Variants in OXNAD1 observed in about 807,000 individuals in gnomAD.
The protein encoded by OXNAD1 is oxidoreductase NAD-binding domain-containing protein 1.
OXNAD1 carries 34 observed loss-of-function variants against 32.9 expected under a neutral mutation model. That is an observed-to-expected ratio of 1.03 (90% CI 0.79 to 1.38). The LOEUF (loss-of-function observed/expected upper bound fraction) is 1.38. Ranked by LOEUF, OXNAD1 falls within the 40% of genes most tolerant of loss-of-function variation. OXNAD1 has a pLI of 0.00. For missense variants in OXNAD1, 407 were observed against 379.4 expected (o/e 1.07, Z -0.60); for synonymous variants, 134 against 135.2 (o/e 0.99, Z 0.06).
rs1216252083 is a variant in OXNAD1, at chr3:16,327,819, C to T, written c.*31-9293C>T. On this transcript the variant is annotated intron_variant, in intron 9 of 9. Coordinates refer to the OXNAD1 transcript ENST00000435829. The surrounding 1 kb of genome is among the most constrained non-coding windows in gnomAD (Gnocchi z 4.2). ...CCCCTGCTAGCACAGGGAGAGAGCC[C>T]TGATGTGAGGCCCCTGCACTGGCTT... is the stretch of plus-strand genomic sequence containing the variant. Among the ~76,000 whole-genome samples, 1 of 152,066 alleles carries T rather than the reference C, an allele frequency of 6.6e-6. No homozygotes were observed. Among genetic ancestry groups the T allele is most frequent in the African/African-American group, 2.4e-5 (1 of 41,404 alleles).
At chr3:16,272,494 G>T (rs900103964) in intron 4 of OXNAD1, among the ~76,000 whole-genome samples, 10 of 152,090 alleles carry the variant, frequency 6.6e-5, no homozygotes, top group African/African-American at 2.4e-4. Flanking sequence ...AACATGGGCA[G>T]AAATTATATT....
chr3:16,345,819 C>T lies in OXNAD1; in HGVS notation c.*31-3357C>T, dbSNP rs59320074. On this transcript the variant is annotated intron_variant, in intron 9 of 9. Transcript: ENST00000606098. This position sits in a 1 kb window ranked among gnomAD's most constrained non-coding sequence, Gnocchi z 5.2. ...GTGTGTGTGTGTGTGTGTGTGTGTG[C>T]GCGCGCGCGTGCGCGCACGCGCACA... Among the ~76,000 whole-genome samples, 34,360 of 82,240 alleles carry T rather than the reference C, an allele frequency of 0.42. 4,442 individuals carry two copies. The highest frequency in any genetic ancestry group is 0.53 in the Middle Eastern group (83 of 158). 54.0% of individuals were successfully genotyped at this position (82,240 alleles called of 152,430 possible).
rs371575268 is a variant in OXNAD1 at position 16,302,410 on chromosome 3, C to T, written c.676-230C>T. Among the ~76,000 whole-genome samples the T allele has an allele frequency of 1.3e-5, 2 of 152,100 alleles. No homozygotes were observed. The highest frequency in any genetic ancestry group is 6.5e-5 in the Admixed American group (1 of 15,274). On this transcript the variant is annotated intron_variant, in intron 7 of 8. Transcript: ENST00000285083. The surrounding 1 kb of genome is among the most constrained non-coding windows in gnomAD (Gnocchi z 4.2). ...AGAAAAAGGAAAAAGAAAAAACTCC[C>T]GGAGAGTTGGTAATATGCTTGTTAG... is the stretch of plus-strand genomic sequence containing the variant.
intron 9 of OXNAD1, chr3:16,323,410 C>T: frequency 1.9e-6 from 3 of 1,612,352 alleles, no homozygotes; most frequent in Non-Finnish European, 2.5e-6. Context: ...CTGAGGTAGA[C>T]AAGGTCTCTG....
chr3:16,282,371 A>G (rs2065807116), intron 4 of OXNAD1, among the ~76,000 whole-genome samples: 1 of 150,878 alleles, frequency 6.6e-6, no homozygotes, highest in South Asian at 2.1e-4. Context: ...CCAGCTTAAA[A>G]AAAAAAAAAA....
At position 16,303,408 on chromosome 3, in the gene OXNAD1, A is replaced by G. The variant is rs1371996555; in HGVS notation, c.785A>G (p.Glu262Gly). ...TGGTGTTTATTCTGGTTTTTGGTAGAAGGAAGAATAACGGAGAAGGAGATA... is the reference window on the plus strand; with the variant it reads ...TGGTGTTTATTCTGGTTTTTGGTAGGAGGAAGAATAACGGAGAAGGAGATA... ...INAELKPYIT[E>G]GRITEKEIRD... Residue 262 changes from glutamate (E) to glycine (G), a missense_variant and splice_region_variant, in exon 9 of 9, where the codon GAA becomes GGA. Glu to Gly is a moderately conservative substitution (Grantham distance 98). Coordinates refer to ENST00000285083, the MANE Select transcript of OXNAD1 (RefSeq NM_138381.5). The surrounding 1 kb of genome is among the most constrained non-coding windows in gnomAD (Gnocchi z 4.8). 5.6e-6 allele frequency: 9 copies of G among 1,613,054 alleles called. No homozygotes were observed. The highest frequency in any genetic ancestry group is 1.3e-5 in the African/African-American group (1 of 74,824).
rs1184376303 is a variant in OXNAD1, at chr3:16,280,953, A to T, written c.184-5389A>T. The stretch of plus-strand genomic sequence containing the variant: ...ATGTGTTTTAACTTAGGACATGGAT[A>T]GTTGAGGTTTCAGTTGTGAATCTTT... On this transcript the variant is annotated intron_variant, in intron 4 of 8. Coordinates refer to ENST00000285083, the MANE Select transcript of OXNAD1 (RefSeq NM_138381.5). The surrounding 1 kb of genome is among the most constrained non-coding windows in gnomAD (Gnocchi z 4.5). Among the ~76,000 whole-genome samples, 3 of 152,348 alleles carry T rather than the reference A, an allele frequency of 2.0e-5. No homozygotes were observed. The East Asian group carries it at 5.8e-4, about 29-fold the overall frequency.
At chr3:16,332,559 G>A (rs566458555) in intron 9 of OXNAD1, among the ~76,000 whole-genome samples, 61 of 152,050 alleles carry the variant, frequency 4.0e-4, no homozygotes, top group African/African-American at 1.2e-3. Flanking sequence ...ATCTTACCAC[G>A]CCACGTTAGG....
At chr3:16,270,571 A>G (rs917036033) in intron 2 of OXNAD1, among the ~76,000 whole-genome samples, 1 of 152,218 alleles carries the variant, frequency 6.6e-6, no homozygotes, top group African/African-American at 2.4e-5. Flanking sequence ...AAGAAATATA[A>G]AAGACTTATG....
At chr3:16,306,736 G>A (rs2067589961), downstream of OXNAD1, among the ~76,000 whole-genome samples, 1 of 152,064 alleles carries the variant, frequency 6.6e-6, no homozygotes, top group South Asian at 2.1e-4. Flanking sequence ...ATGTAAACTG[G>A]TAATTAGATT....
intron 5 of OXNAD1, among the ~76,000 whole-genome samples, chr3:16,291,493 C>T (rs566823350): frequency 1.3e-5 from 2 of 152,280 alleles, no homozygotes; most frequent in African/African-American, 4.8e-5. Flanking sequence ...ACATTTTATA[C>T]CAGCAGAATC....
intron 1 of OXNAD1, among the ~76,000 whole-genome samples, chr3:16,266,606 A>G (rs1266200384): frequency 5.0e-5 from 7 of 140,836 alleles, no homozygotes; most frequent in Non-Finnish European, 6.4e-5. Flanking sequence ...CTGTCTCAAA[A>G]AAAAAAAAAA....
rs1483711907 is a variant in OXNAD1, at chr3:16,272,622, G to A, written c.183+900G>A. On this transcript the variant is annotated intron_variant, in intron 4 of 8. Transcript: ENST00000285083. ...AAGTTACTTTGGGACTAAGGGTAAT[G>A]TGTTTGTTGATTCAGCTTAAAGTTC... 3.5e-5 allele frequency among the ~76,000 whole-genome samples: 5 copies of A among 142,842 alleles called. No individual in the cohort carries two copies. In the East Asian group the frequency reaches 1.0e-3, roughly 29 times the overall value. The allele number at this position is 142,842 out of a possible 152,430, so 93.7% of individuals were successfully genotyped here. A position where few individuals can be genotyped will look rare whatever the true frequency, so the allele number is the denominator to read the frequency against.
intron 4 of OXNAD1, among the ~76,000 whole-genome samples, chr3:16,272,647 C>CTT (rs35628992): frequency 4.1e-4 from 46 of 112,748 alleles, no homozygotes; most frequent in African/African-American, 8.9e-4. Flanking sequence ...GCTTAAAGTT[C>CTT]TTTTTTTTTT....
rs960554428 is a variant in OXNAD1 at position 16,322,725 on chromosome 3, C to G, written c.*31-14387C>G. Among the ~76,000 whole-genome samples the G allele has an allele frequency of 3.3e-5, 5 of 152,302 alleles. No homozygotes were observed. The highest frequency in any genetic ancestry group is 4.1e-4 in the South Asian group (2 of 4,822). ...CCTTGTGCTCAACCTTCAGGAATCA[C>G]AGAGAAGACTCTCTGAGAAGGCCAG... On this transcript the variant is annotated intron_variant, in intron 9 of 9. Coordinates refer to the OXNAD1 transcript ENST00000435829. This position sits in a 1 kb window ranked among gnomAD's most constrained non-coding sequence, Gnocchi z 6.2.
At chr3:16,268,313 C>CTTTTTTTTTTTTTTTTTTTTTTT (rs531751365) in intron 1 of OXNAD1, among the ~76,000 whole-genome samples, 2 of 61,004 alleles carry the variant, frequency 3.3e-5, no homozygotes, top group Non-Finnish European at 6.6e-5. Flanking sequence ...AAGAGAACTC[C>CTTTTTTTTTTTTTTTTTTTTTTT]TTTTTTTTTT....
In OXNAD1 at chr3:16,320,406, C is replaced by G. The variant is rs187960306; in HGVS notation, c.*31-16706C>G. Among the ~76,000 whole-genome samples the G allele has an allele frequency of 6.6e-6, 1 of 152,208 alleles. No homozygotes were observed. Among genetic ancestry groups the G allele is most frequent in the African/African-American group, 2.4e-5 (1 of 41,444 alleles). On this transcript the variant is annotated intron_variant, in intron 9 of 9. Coordinates refer to the OXNAD1 transcript ENST00000435829. The surrounding 1 kb of genome is among the most constrained non-coding windows in gnomAD (Gnocchi z 4.5). ...TTCTTAAGTTTTAATGCTAGACATA[C>G]TATGTGTGTCCTCGCTAAGAAGCTG...
At chr3:16,308,428 C>T (rs2067720327), downstream of OXNAD1, among the ~76,000 whole-genome samples, 1 of 152,078 alleles carries the variant, frequency 6.6e-6, no homozygotes, top group African/African-American at 2.4e-5. The surrounding 1 kb of genome is among the most constrained non-coding windows in gnomAD (Gnocchi z 4.4). Flanking sequence ...GTCAAATGAT[C>T]CAAGGGCATG....
chr3:16,339,774 A>G (rs952073903), downstream of OXNAD1: 1 of 152,212 alleles, frequency 6.6e-6, no homozygotes, highest in Non-Finnish European at 1.5e-5. Flanking sequence ...CACAAAGGCA[A>G]GGAGTTTATC....
Sources: allele counts gnomAD v4.1 joint callset (sites outside exome capture counted in the v4.1 genomes callset), GRCh38; gene constraint gnomAD v4.1.1; non-coding constraint Gnocchi (gnomAD v3.1); transcripts MANE v1.5; gene names NCBI Gene and HGNC (gene_info 2026-07-23, HGNC 2026-07-21).